RALYL: variants seen among roughly 807,000 people sequenced by gnomAD.
The protein encoded by RALYL is RNA-binding Raly-like protein.
A neutral mutation model predicts 35.1 loss-of-function variants in RALYL; 29 were observed. The ratio of observed to expected loss-of-function variants is 0.83; its 90% CI spans 0.61 to 1.13. The LOEUF (loss-of-function observed/expected upper bound fraction) is 1.13. RALYL is among the 50% of genes most tolerant of loss of function. The pLI, the probability that RALYL is intolerant of heterozygous loss-of-function variation, is 0.00. For synonymous variants in RALYL, 120 were observed against 127.6 expected (o/e 0.94, Z 0.40); for missense variants, 359 against 360.4 (o/e 1.00, Z 0.03).
intron 1 of RALYL, among the ~76,000 whole-genome samples, chr8:84,517,271 G>A (rs1189589416): frequency 6.6e-6 from 1 of 151,936 alleles, no homozygotes; most frequent in Admixed American, 6.6e-5. Flanking sequence ...TATATATATG[G>A]GCCATAACAA....
chr8:84,552,867 T>C (rs375670695), intron 2 of RALYL, among the ~76,000 whole-genome samples: 20 of 152,236 alleles, frequency 1.3e-4, no homozygotes, highest in Admixed American at 8.5e-4. Context: ...GAAATTATTA[T>C]ATTAAGATCC....
intron 8 of RALYL, among the ~76,000 whole-genome samples, chr8:84,906,422 A>G: frequency 6.6e-6 from 1 of 152,178 alleles, no homozygotes; most frequent in Admixed American, 6.6e-5. Context: ...TGAACAAGCT[A>G]AGAAAGTCAT....
At chr8:84,814,461 T>C (rs951170883) in intron 4 of RALYL, among the ~76,000 whole-genome samples, 2 of 152,170 alleles carry the variant, frequency 1.3e-5, no homozygotes, top group Admixed American at 1.3e-4. Flanking sequence ...TGAATACTAG[T>C]AATTGTCATT....
At chr8:84,254,024 G>A (rs574597593) in intron 1 of RALYL, among the ~76,000 whole-genome samples, 6 of 152,200 alleles carry the variant, frequency 3.9e-5, no homozygotes, top group Middle Eastern at 3.4e-3. Context: ...GTTCAGCACT[G>A]TACTGGTTTT....
intron 2 of RALYL, among the ~76,000 whole-genome samples, chr8:84,674,912 G>A (rs1177694838): frequency 6.6e-6 from 1 of 151,622 alleles, no homozygotes; most frequent in Non-Finnish European, 1.5e-5. Flanking sequence ...TTGTTTCTTG[G>A]ATTTATTCTT....
At chr8:84,664,263 A>AT (rs60423756) in intron 2 of RALYL, among the ~76,000 whole-genome samples, 2,631 of 57,992 alleles carry the variant, frequency 0.045, 362 homozygotes, top group African/African-American at 0.093. Flanking sequence ...ATGCCTCTAG[A>AT]TTTTTTTTTT....
intron 2 of RALYL, among the ~76,000 whole-genome samples, chr8:84,683,304 AG>A (rs1381250816): frequency 6.6e-6 from 1 of 152,140 alleles, no homozygotes; most frequent in East Asian, 1.9e-4. Context: ...GGTGCTGAAA[AG>A]AATGTATATT....
At chr8:84,700,977 G>T (rs1189232538) in intron 2 of RALYL, among the ~76,000 whole-genome samples, 1 of 152,122 alleles carries the variant, frequency 6.6e-6, no homozygotes, top group African/African-American at 2.4e-5. Flanking sequence ...GTATGAATAG[G>T]GAGGTGTTTC....
intron 8 of RALYL, among the ~76,000 whole-genome samples, chr8:84,904,227 T>C (rs942556855): frequency 6.6e-6 from 1 of 152,170 alleles, no homozygotes; most frequent in Non-Finnish European, 1.5e-5. Context: ...GACTTGTCCA[T>C]TAAAAGGTCT....
In RALYL at chr8:84,423,308, CT is replaced by C. The variant is rs1386936681; in HGVS notation, c.-23-105989del. Among the ~76,000 whole-genome samples the C allele has an allele frequency of 4.2e-3, 632 of 150,512 alleles. 1 individual carries two copies. The highest frequency in any genetic ancestry group is 0.014 in the African/African-American group (575 of 40,682). ...GATCCCTTTACCATTATGTAATGGCCTTCTTTGTCTCTTTTGATCTTTGTTG... is the reference window on the plus strand; with the variant it reads ...GATCCCTTTACCATTATGTAATGGCCTCTTTGTCTCTTTTGATCTTTGTTG... On this transcript the variant is annotated intron_variant, in intron 1 of 8. Coordinates refer to ENST00000521268, the MANE Select transcript of RALYL (RefSeq NM_173848.7).
intron 8 of RALYL, among the ~76,000 whole-genome samples, chr8:84,902,702 C>A (rs1458496806): frequency 6.6e-6 from 1 of 152,032 alleles, no homozygotes; most frequent in Non-Finnish European, 1.5e-5. Context: ...TTTATCGATT[C>A]AGTTATTTGG....
chr8:84,398,776 C>T (rs946648797), intron 1 of RALYL, among the ~76,000 whole-genome samples: 18 of 152,200 alleles, frequency 1.2e-4, no homozygotes, highest in African/African-American at 4.1e-4. Flanking sequence ...GAGTTTGAGA[C>T]CAGCTTGACC....
rs561044752 is a variant in RALYL, at chr8:84,832,947, T to A, written c.366-17033T>A. ...TCTTTGTTAAATTTAGCAGTAACAT[T>A]CTTCCTTATAATTACTACCCTTTAA... On this transcript the variant is annotated intron_variant, in intron 4 of 8. Transcript: ENST00000521268. Among the ~76,000 whole-genome samples the A allele has an allele frequency of 1.6e-3, 245 of 152,266 alleles. 3 individuals carry two copies. The highest frequency in any genetic ancestry group is 5.8e-3 in the African/African-American group (240 of 41,560).
intron 1 of RALYL, among the ~76,000 whole-genome samples, chr8:84,419,561 T>A (rs1185403167): frequency 6.6e-6 from 1 of 152,000 alleles, no homozygotes; most frequent in East Asian, 1.9e-4. Flanking sequence ...TTTTTATTAT[T>A]ATACATTAAG....
intron 4 of RALYL, among the ~76,000 whole-genome samples, chr8:84,827,354 C>G (rs1275675325): frequency 6.6e-6 from 1 of 151,972 alleles, no homozygotes; most frequent in Non-Finnish European, 1.5e-5. Context: ...CAAACTAAAA[C>G]AGTTTACTGT....
chr8:84,220,693 T>C (rs1298074974), intron 1 of RALYL, among the ~76,000 whole-genome samples: 1 of 151,998 alleles, frequency 6.6e-6, no homozygotes, highest in Non-Finnish European at 1.5e-5. Flanking sequence ...GTAGACACTT[T>C]TATGAGTTTC....
At chr8:84,370,449 C>G (rs1008965569) in intron 1 of RALYL, among the ~76,000 whole-genome samples, 1 of 152,014 alleles carries the variant, frequency 6.6e-6, no homozygotes, top group African/African-American at 2.4e-5. Flanking sequence ...CACACACACA[C>G]ACACACATAT....
At chr8:84,670,968 A>G (rs1228131608) in intron 2 of RALYL, among the ~76,000 whole-genome samples, 1 of 152,210 alleles carries the variant, frequency 6.6e-6, no homozygotes, top group African/African-American at 2.4e-5. Flanking sequence ...CATCTGAGAC[A>G]AGGCCAGTCC....
intron 1 of RALYL, among the ~76,000 whole-genome samples, chr8:84,265,564 G>C (rs927392451): frequency 5.3e-5 from 8 of 152,090 alleles, no homozygotes; most frequent in African/African-American, 1.7e-4. Context: ...ATTAAGGAAA[G>C]TGGTGCTTCT....
Sources: allele counts gnomAD v4.1 joint callset (sites outside exome capture counted in the v4.1 genomes callset), GRCh38; gene constraint gnomAD v4.1.1; transcripts MANE v1.5; gene names NCBI Gene and HGNC (gene_info 2026-07-23, HGNC 2026-07-21).